Variants in RSPO1 observed in about 807,000 individuals in gnomAD.
RSPO1 encodes R-spondin-1.
RSPO1 carries 18 observed loss-of-function variants against 26.0 expected under a neutral mutation model. That is an observed-to-expected ratio of 0.69 (90% CI 0.48 to 1.03). The LOEUF is 1.03. Ranked by LOEUF, RSPO1 falls within the 50% of genes least tolerant of loss-of-function variation. The pLI, the probability that RSPO1 is intolerant of heterozygous loss-of-function variation, is 0.00. For synonymous variants in RSPO1, 133 were observed against 137.4 expected (o/e 0.97, Z 0.22); for missense variants, 309 against 352.3 (o/e 0.88, Z 0.98).
At chr1:37,625,368 G>A (rs1393467466) in intron 3 of RSPO1, among the ~76,000 whole-genome samples, 3 of 152,234 alleles carry the variant, frequency 2.0e-5, no homozygotes, top group Non-Finnish European at 4.4e-5. Context: ...GAACATGGAT[G>A]AGGGACTCAG....
chr1:37,616,507 T>C lies in RSPO1; in HGVS notation c.263A>G (p.Asn88Ser). ...SCPPGYFDAR[N>S]PDMNKCIKCK... ...ACTGATGCACTTGTTCATGTCGGGG[T>C]TGCGGGCGTCGAAGTATCCAGGTGG... is the stretch of plus-strand genomic sequence containing the variant. Residue 88 changes from asparagine (N) to serine (S), a missense_variant, in exon 4 of 7, where the codon AAC becomes AGC. Coordinates refer to ENST00000356545, the MANE Select transcript of RSPO1 (RefSeq NM_001242908.2). 1 of 1,614,008 alleles carries C rather than the reference T, an allele frequency of 6.2e-7. No individual in the cohort carries two copies. The highest frequency in any genetic ancestry group is 8.5e-7 in the Non-Finnish European group (1 of 1,179,976).
chr1:37,617,602 C>T (rs1459421412), intron 3 of RSPO1, among the ~76,000 whole-genome samples: 1 of 126,644 alleles, frequency 7.9e-6, no homozygotes, highest in African/African-American at 3.0e-5. Flanking sequence ...GCGGAGTTTG[C>T]AGTGAGCTGA....
intron 3 of RSPO1, 146 bp from the exon 4 acceptor site, chr1:37,616,821 T>A (rs1281288597): frequency 1.4e-5 from 11 of 787,568 alleles, no homozygotes; most frequent in Non-Finnish European, 2.4e-5. Context: ...GGCTGGCAGC[T>A]CTCTGCAAGG....
chr1:37,619,719 A>C (rs921438728), intron 3 of RSPO1, among the ~76,000 whole-genome samples: 1 of 151,836 alleles, frequency 6.6e-6, no homozygotes, highest in Non-Finnish European at 1.5e-5. Flanking sequence ...TGAGGTAGGT[A>C]CTATTGTTAT....
rs12046650 is a variant in RSPO1 at position 37,616,451 on chromosome 1, C to T, written c.286+33G>A. The T allele has an allele frequency of 0.25, 402,126 of 1,602,988 alleles. 52,019 individuals carry two copies. The highest frequency in any genetic ancestry group is 0.32 in the Middle Eastern group (1,732 of 5,492). On this transcript the variant is annotated intron_variant, in intron 4 of 6. Coordinates refer to ENST00000356545, the MANE Select transcript of RSPO1 (RefSeq NM_001242908.2). The stretch of plus-strand genomic sequence containing the variant: ...CTCCCCCAGTCCAGAGCTTCTAATG[C>T]CCCCTGCCCCCGACAGCCCTGCCCA...
At chr1:37,620,982 C>T (rs1644193307) in intron 3 of RSPO1, among the ~76,000 whole-genome samples, 1 of 152,202 alleles carries the variant, frequency 6.6e-6, no homozygotes. Context: ...GCGATGCTGC[C>T]ATACTCATTT....
intron 3 of RSPO1, among the ~76,000 whole-genome samples, chr1:37,619,198 G>C (rs1644162583): frequency 6.6e-6 from 1 of 152,232 alleles, no homozygotes; most frequent in African/African-American, 2.4e-5. Flanking sequence ...ACTCCAGCCT[G>C]AGTGACAGAG....
chr1:37,622,080 G>A (rs1644211078), intron 3 of RSPO1, among the ~76,000 whole-genome samples: 1 of 152,162 alleles, frequency 6.6e-6, no homozygotes, highest in South Asian at 2.1e-4. Flanking sequence ...TGAAGAGAAG[G>A]ACGGAAAAGT....
rs528727116 is a variant in RSPO1, at chr1:37,619,804, G to A, written c.95-3129C>T. ...ACTCAGTCACCCAGGCTGGAGTGCA[G>A]TGGCACAATCTCGGCTCACTGCAAT... is the stretch of plus-strand genomic sequence containing the variant. On this transcript the variant is annotated intron_variant, in intron 3 of 6. Coordinates refer to ENST00000356545, the MANE Select transcript of RSPO1 (RefSeq NM_001242908.2). Among the ~76,000 whole-genome samples the A allele has an allele frequency of 2.0e-5, 3 of 151,312 alleles. No homozygotes were observed. In the East Asian group the frequency reaches 5.8e-4, roughly 29 times the overall value.
intron 3 of RSPO1, among the ~76,000 whole-genome samples, chr1:37,627,282 C>T (rs976737521): frequency 6.6e-6 from 1 of 152,118 alleles, no homozygotes; most frequent in African/African-American, 2.4e-5. Flanking sequence ...TCTTGGTCTT[C>T]CTTCTTCCCT....
chr1:37,616,114 G>A (rs950038699), intron 4 of RSPO1, among the ~76,000 whole-genome samples: 6 of 152,254 alleles, frequency 3.9e-5, no homozygotes, highest in South Asian at 2.1e-4. Context: ...CAATGATCCC[G>A]GAGCAAGGTG....
Position 37,616,551 on chromosome 1 carries a change from G to T in RSPO1, c.219C>A (p.Gly73=). 1 of 1,614,174 alleles carries T rather than the reference G, an allele frequency of 6.2e-7. No individual in the cohort carries two copies. The highest frequency in any genetic ancestry group is 8.5e-7 in the Non-Finnish European group (1 of 1,180,036). Reference sequence around the variant, plus strand: ...CAGGTGGGCAGGACGGCAAGCAGACGCCCACCTGGCGGATGTCGTTCCTCT... The same window carrying T: ...CAGGTGGGCAGGACGGCAAGCAGACTCCCACCTGGCGGATGTCGTTCCTCT... ...LLERNDIRQV[G]VCLPSCPPGY... Residue 73 remains glycine, a synonymous_variant, in exon 4 of 7, where the codon GGC becomes GGA. Coordinates refer to ENST00000356545, the MANE Select transcript of RSPO1 (RefSeq NM_001242908.2).
rs1644328212 is a variant in RSPO1 at position 37,629,677 on chromosome 1, C to G, written c.-16G>C. 1.2e-6 allele frequency: 2 copies of G among 1,613,980 alleles called. No homozygotes were observed. Among genetic ancestry groups the G allele is most frequent in the Non-Finnish European group, 1.7e-6 (2 of 1,179,958 alleles). On this transcript the variant is annotated 5_prime_UTR_variant, in exon 3 of 7. Coordinates refer to ENST00000356545, the MANE Select transcript of RSPO1 (RefSeq NM_001242908.2). The stretch of plus-strand genomic sequence containing the variant: ...CAAGCCGCATAGTCACGCGCCAGCT[C>G]CAGGCCCCTGGTCGGAGGGGTGGTC...
At chr1:37,624,193 G>T (rs1644244703) in intron 3 of RSPO1, among the ~76,000 whole-genome samples, 2 of 152,174 alleles carry the variant, frequency 1.3e-5, no homozygotes, top group Admixed American at 1.3e-4. Flanking sequence ...GGCTGAGGCA[G>T]GAGGATATCT....
intron 3 of RSPO1, among the ~76,000 whole-genome samples, chr1:37,627,248 C>T (rs890211974): frequency 6.6e-6 from 1 of 152,064 alleles, no homozygotes; most frequent in Non-Finnish European, 1.5e-5. Flanking sequence ...CTTGTCTTAT[C>T]GAGAGGCCAG....
At chr1:37,632,962 G>A (rs1222208882) in intron 1 of RSPO1, among the ~76,000 whole-genome samples, 1 of 152,054 alleles carries the variant, frequency 6.6e-6, no homozygotes, top group East Asian at 1.9e-4. Context: ...ATGTTTTTGA[G>A]GCTCACTCTA....
At chr1:37,630,762 G>C (rs529254798) in intron 2 of RSPO1, among the ~76,000 whole-genome samples, 7 of 152,154 alleles carry the variant, frequency 4.6e-5, no homozygotes, top group African/African-American at 1.7e-4. Context: ...TCCCCGTCAC[G>C]GGATCACACA....
intron 3 of RSPO1, among the ~76,000 whole-genome samples, chr1:37,623,262 A>G (rs1342667145): frequency 6.6e-6 from 1 of 151,914 alleles, no homozygotes; most frequent in Non-Finnish European, 1.5e-5. Flanking sequence ...CGACAGTAAG[A>G]ATGTGCCCTT....
intron 3 of RSPO1, among the ~76,000 whole-genome samples, chr1:37,626,926 A>C (rs1644285634): frequency 6.6e-6 from 1 of 152,082 alleles, no homozygotes; most frequent in South Asian, 2.1e-4. Flanking sequence ...CTTAGTGAAC[A>C]GGAGTTCAGG....
Sources: gnomAD v4.1 joint callset for allele counts (sites outside exome capture counted in the v4.1 genomes callset) on GRCh38, gnomAD v4.1.1 for gene constraint, MANE v1.5 for transcripts, NCBI Gene and HGNC (gene_info 2026-07-23, HGNC 2026-07-21) for gene names.